Variants in EIF3C observed in about 807,000 individuals in gnomAD.
EIF3C encodes the protein eukaryotic translation initiation factor 3 subunit C, also known as cell migration-inducing protein 17.
EIF3C carries 2 observed loss-of-function variants against 11.1 expected under a neutral mutation model. The observed-to-expected ratio is 0.18, with a 90% CI of 0.07 to 0.57. The LOEUF (loss-of-function observed/expected upper bound fraction) is 0.57. EIF3C is among the 20% of genes least tolerant of loss of function. The pLI is 0.92. For synonymous variants in EIF3C, 2 were observed against 41.5 expected, an observed-to-expected ratio of 0.05 and a Z score of 3.66; for missense variants, 16 against 114.6, an observed-to-expected ratio of 0.14 and a Z score of 3.93.
chr16:28,728,560 A>C (rs1397407099), intron 15 of EIF3C, among the ~76,000 whole-genome samples: 1 of 115,378 alleles, frequency 8.7e-6, no homozygotes, highest in Non-Finnish European at 2.0e-5. Flanking sequence ...TTTGAGACAG[A>C]GTCTCGCTCT....
chr16:28,698,617 A>G (rs1167941615), intron 1 of EIF3C, among the ~76,000 whole-genome samples: 3 of 81,882 alleles, frequency 3.7e-5, no homozygotes, highest in Non-Finnish European at 6.2e-5. Context: ...CCGGGCGGAG[A>G]CACTCCTCAC....
intron 15 of EIF3C, among the ~76,000 whole-genome samples, chr16:28,728,566 G>A (rs1323720239): frequency 2.7e-5 from 3 of 109,402 alleles, no homozygotes; most frequent in South Asian, 5.8e-4. Context: ...ACAGAGTCTC[G>A]CTCTGTTGCC....
intron 1 of EIF3C, chr16:28,700,627 A>G: frequency 4.1e-6 from 1 of 241,172 alleles, no homozygotes; most frequent in Non-Finnish European, 7.6e-6. Context: ...AGCCCCGCAC[A>G]GGCTCCGTGG....
chr16:28,692,729 TAGTCTGG>T (rs1209460250), intron 1 of EIF3C, among the ~76,000 whole-genome samples: 3 of 138,728 alleles, frequency 2.2e-5, no homozygotes, highest in African/African-American at 5.6e-5. Context: ...CACTGCACTC[TAGTCTGG>T]GCGACAGAGC....
intron 13 of EIF3C, among the ~76,000 whole-genome samples, chr16:28,725,765 C>CAAA (rs1166823476): frequency 9.5e-5 from 2 of 20,988 alleles, no homozygotes; most frequent in East Asian, 2.5e-3. Flanking sequence ...GACTCCATCT[C>CAAA]AAAAAAAAAA....
intron 15 of EIF3C, among the ~76,000 whole-genome samples, chr16:28,728,519 G>A (rs1167526641): frequency 1.3e-5 from 1 of 77,080 alleles, no homozygotes; most frequent in Non-Finnish European, 3.3e-5. Context: ...GTATCTTTTA[G>A]GGGTGTGTGT....
chr16:28,697,182 GT>G (rs561287540), intron 1 of EIF3C, among the ~76,000 whole-genome samples: 1,884 of 27,158 alleles, frequency 0.069, 575 homozygotes, highest in East Asian at 0.21. Flanking sequence ...CTTTATTTGA[GT>G]TTTTTTTTTT....
At chr16:28,728,440 TCTCTTTTA>T (rs1469185822) in intron 15 of EIF3C, among the ~76,000 whole-genome samples, 5 of 43,662 alleles carry the variant, frequency 1.1e-4, no homozygotes, top group East Asian at 4.6e-4. Flanking sequence ...TGTGTGTGTG[TCTCTTTTA>T]GGGGGTGTGT....
At chr16:28,722,676 TTTTTGTTTTG>T (rs1301348825) in intron 8 of EIF3C, 1 of 89,294 alleles carries the variant, frequency 1.1e-5, no homozygotes, top group East Asian at 3.4e-4. Context: ...GGTTGGTTTT[TTTTTGTTTTG>T]TTTTGTTTTG....
chr16:28,698,533 A>AC (rs1365931237), intron 1 of EIF3C, among the ~76,000 whole-genome samples: 12 of 52,858 alleles, frequency 2.3e-4, no homozygotes, highest in Non-Finnish European at 3.2e-4. Flanking sequence ...CGGGGGGCTG[A>AC]CCCCCCCCAC....
At chr16:28,698,331 C>T (rs1425366601) in intron 1 of EIF3C, among the ~76,000 whole-genome samples, 2 of 93,766 alleles carry the variant, frequency 2.1e-5, no homozygotes, top group Admixed American at 1.9e-4. Flanking sequence ...TAGGGGCGGC[C>T]GGGCAGAGGC....
At chr16:28,725,942 C>T (rs1428055264) in intron 13 of EIF3C, among the ~76,000 whole-genome samples, 1 of 149,150 alleles carries the variant, frequency 6.7e-6, no homozygotes, top group Non-Finnish European at 1.5e-5. Context: ...AAAAATTAGC[C>T]AGGCATGGTG....
intron 10 of EIF3C, among the ~76,000 whole-genome samples, chr16:28,723,773 CTTT>C (rs1157386167): frequency 0.12 from 487 of 3,952 alleles, 39 homozygotes; most frequent in Admixed American, 0.18. Flanking sequence ...ATGTTCTCCT[CTTT>C]TTTTTTTTTT....
intron 2 of EIF3C, among the ~76,000 whole-genome samples, chr16:28,712,888 C>T (rs1412977791): frequency 6.7e-6 from 1 of 148,902 alleles, no homozygotes. Context: ...ACCCCAGCAA[C>T]TTAGGAGGCT....
chr16:28,698,630 C>T (rs1399779454), intron 1 of EIF3C, among the ~76,000 whole-genome samples: 2 of 89,898 alleles, frequency 2.2e-5, no homozygotes, highest in African/African-American at 9.9e-5. Context: ...CTCCTCACTT[C>T]CCAGATGGGG....
At chr16:28,692,460 C>T (rs1450573469) in intron 1 of EIF3C, among the ~76,000 whole-genome samples, 1 of 109,258 alleles carries the variant, frequency 9.2e-6, no homozygotes, top group African/African-American at 4.2e-5. Context: ...CCACTGCACC[C>T]AGCCTGAAAT....
At position 28,700,413 on chromosome 16, in the gene EIF3C, G is replaced by A. The variant is rs375999338; in HGVS notation, c.-30-11244G>A. On this transcript the variant is annotated intron_variant, in intron 1 of 20. Coordinates refer to the EIF3C transcript ENST00000566501. ...AGTTGGGGACCCGGAGGCCGGCGTC[G>A]ATACACTGCTGCATGGGGAACTTGG... 114 of 386,636 alleles carry A rather than the reference G, an allele frequency of 2.9e-4. 8 individuals carry two copies. In the African/African-American group the frequency reaches 3.3e-3, roughly 11 times the overall value. 24.0% of individuals were successfully genotyped at this position (386,636 alleles called of 1,614,324 possible).
At chr16:28,698,237 G>A (rs1450141089) in intron 1 of EIF3C, among the ~76,000 whole-genome samples, 4 of 126,220 alleles carry the variant, frequency 3.2e-5, no homozygotes, top group Admixed American at 7.4e-5. Context: ...CGGACGGGGC[G>A]GCTGGCCGGG....
At chr16:28,698,566 G>C (rs2048259862) in intron 1 of EIF3C, among the ~76,000 whole-genome samples, 1 of 96,444 alleles carries the variant, frequency 1.0e-5, no homozygotes. Context: ...CGGGGTGGCT[G>C]CCGGGCGGAG....
Sources: gnomAD v4.1 joint callset for allele counts (sites outside exome capture counted in the v4.1 genomes callset) on GRCh38, gnomAD v4.1.1 for gene constraint, MANE v1.5 for transcripts, NCBI Gene and HGNC (gene_info 2026-07-23, HGNC 2026-07-21) for gene names.